The following AP3B1 variants were observed in gnomAD, a reference collection of about 807,000 sequenced individuals.
AP3B1 encodes the protein AP-3 complex subunit beta-1.
Under a neutral mutation model 132.5 loss-of-function variants are expected in AP3B1, and 61 were observed. The observed-to-expected ratio is 0.46, with a 90% confidence interval of 0.37 to 0.57. The LOEUF is 0.57. AP3B1 is among the 20% of genes least tolerant of loss of function. The pLI is 0.00. For missense variants in AP3B1, 1,120 were observed against 1,289.4 expected (o/e 0.87, Z 2.01); for synonymous variants, 388 against 438.3 (o/e 0.89, Z 1.43).
intron 21 of AP3B1, among the ~76,000 whole-genome samples, chr5:78,097,922 TG>T (rs2112226798): frequency 6.6e-6 from 1 of 152,374 alleles, no homozygotes; most frequent in East Asian, 1.9e-4. Context: ...CTTTTCATTT[TG>T]TTCTGTACTA....
At chr5:78,020,062 A>C (rs1747028060) in intron 25 of AP3B1, among the ~76,000 whole-genome samples, 1 of 152,146 alleles carries the variant, frequency 6.6e-6, no homozygotes, top group South Asian at 2.1e-4. Flanking sequence ...TTTTATTAGA[A>C]GGTATGTTTG....
chr5:78,075,543 G>T (rs1210089548), intron 22 of AP3B1, among the ~76,000 whole-genome samples: 1 of 152,076 alleles, frequency 6.6e-6, no homozygotes, highest in African/African-American at 2.4e-5. Flanking sequence ...GCCAATTTTC[G>T]ACAATAGCAA....
chr5:78,291,943 T>C (rs191219064), intron 1 of AP3B1, among the ~76,000 whole-genome samples: 75 of 152,142 alleles, frequency 4.9e-4, no homozygotes, highest in African/African-American at 1.5e-3. Context: ...TACAACTGAG[T>C]CTCCAATGGT....
intron 22 of AP3B1, among the ~76,000 whole-genome samples, chr5:78,077,086 T>A (rs972789973): frequency 6.6e-6 from 1 of 152,208 alleles, no homozygotes; most frequent in African/African-American, 2.4e-5. Context: ...AACCTTGAGT[T>A]TGGCTACCTC....
rs1297756141 is a variant in AP3B1 at position 78,002,988 on chromosome 5, T to C, written c.3199A>G (p.Thr1067Ala). ...TCAGTGTTTATGATAAGCTGGGCTG[T>C]AGAGCCTTCCTTCAGTTCCACTGTG... ...LVTVELKEGSTAQLIINTEKT... is the reference protein window; with the variant it reads ...LVTVELKEGSAAQLIINTEKT... Residue 1067 changes from threonine to alanine, a missense_variant, in exon 27 of 27, where the codon ACA (threonine) becomes GCA (alanine). Thr to Ala is a moderately conservative substitution (Grantham distance 58). Around this residue, in one of 3 missense-constraint regions of AP3B1, gnomAD observed 906 missense variants for 997.1 expected, o/e 0.91. Coordinates refer to ENST00000255194, the MANE Select transcript of AP3B1 (RefSeq NM_003664.5). 4.3e-6 allele frequency: 7 copies of C among 1,614,082 alleles called. No homozygotes were observed. Among genetic ancestry groups the C allele is most frequent in the African/African-American group, 4.0e-5 (3 of 74,938 alleles).
At chr5:78,202,860 T>C (rs754628414) in intron 7 of AP3B1, among the ~76,000 whole-genome samples, 8 of 152,198 alleles carry the variant, frequency 5.3e-5, no homozygotes, top group Non-Finnish European at 1.0e-4. Flanking sequence ...TAATTAATGA[T>C]ATACATACTG....
At chr5:78,214,774 A>G (rs1561481705) in intron 7 of AP3B1, among the ~76,000 whole-genome samples, 1 of 152,168 alleles carries the variant, frequency 6.6e-6, no homozygotes, top group East Asian at 1.9e-4. Flanking sequence ...TACTTTGCTC[A>G]ATGATAAATA....
chr5:78,287,860 T>C (rs989042760), intron 1 of AP3B1, among the ~76,000 whole-genome samples: 3 of 151,384 alleles, frequency 2.0e-5, no homozygotes, highest in Non-Finnish European at 4.4e-5. Flanking sequence ...CTAAACATAA[T>C]AAACAAGACA....
intron 22 of AP3B1, among the ~76,000 whole-genome samples, chr5:78,074,135 TAAAA>T: frequency 6.6e-6 from 1 of 152,088 alleles, no homozygotes. Flanking sequence ...TATTTTGCAA[TAAAA>T]AAATTCCAAC....
At chr5:78,049,710 C>T (rs1748498079) in intron 22 of AP3B1, among the ~76,000 whole-genome samples, 2 of 152,164 alleles carry the variant, frequency 1.3e-5, no homozygotes, top group Admixed American at 6.6e-5. Context: ...ATTCCAACAG[C>T]CTCCTAATTG....
intron 11 of AP3B1, among the ~76,000 whole-genome samples, chr5:78,166,802 G>C (rs546291160): frequency 1.2e-4 from 19 of 152,262 alleles, no homozygotes; most frequent in African/African-American, 4.3e-4. Flanking sequence ...ACATGTAGTA[G>C]AATGAAACTG....
chr5:78,170,776 C>T (rs1743877619), intron 11 of AP3B1, among the ~76,000 whole-genome samples: 2 of 152,140 alleles, frequency 1.3e-5, no homozygotes, highest in African/African-American at 2.4e-5. Flanking sequence ...GTTACCATTG[C>T]TTTTGGTGTT....
chr5:78,281,207 G>A (rs558441193), intron 1 of AP3B1, among the ~76,000 whole-genome samples: 1 of 152,144 alleles, frequency 6.6e-6, no homozygotes, highest in African/African-American at 2.4e-5. Flanking sequence ...GGCCAAGGCA[G>A]GTGGATCACC....
chr5:78,157,866 C>T (rs1421184254), intron 13 of AP3B1, among the ~76,000 whole-genome samples: 2 of 152,078 alleles, frequency 1.3e-5, no homozygotes, highest in East Asian at 3.9e-4. Context: ...TCTCCTGCCA[C>T]AGCCTCCTGA....
Position 78,129,164 on chromosome 5 carries a change from G to A in AP3B1, c.1794C>T (p.Phe598=). Residue 598 remains phenylalanine (F), a synonymous_variant, in exon 16 of 27, where the codon TTC becomes TTT. Transcript: ENST00000255194. ...GCAGTGGTGCAGGCTTTTGTGCTAG[G>A]AATATTTTTTTGGCATATTTACTTA... The part of the protein sequence containing the change: ...GALSKYAKKI[F]LAQKPAPLLE... The A allele has an allele frequency of 6.2e-7, 1 of 1,613,264 alleles. No homozygotes were observed. The highest frequency in any genetic ancestry group is 1.1e-5 in the South Asian group (1 of 91,060).
At chr5:78,119,402 A>G (rs1752044018) in intron 17 of AP3B1, among the ~76,000 whole-genome samples, 1 of 152,190 alleles carries the variant, frequency 6.6e-6, no homozygotes, top group African/African-American at 2.4e-5. Context: ...AAGCTACAGG[A>G]GGAAATACAA....
intron 7 of AP3B1, among the ~76,000 whole-genome samples, chr5:78,207,787 C>A (rs1178312641): frequency 6.6e-6 from 1 of 151,902 alleles, no homozygotes; most frequent in Non-Finnish European, 1.5e-5. Context: ...AAATTCATTG[C>A]AGAAGAAAAT....
chr5:78,054,867 C>T (rs979502088), intron 22 of AP3B1, among the ~76,000 whole-genome samples: 2 of 152,060 alleles, frequency 1.3e-5, no homozygotes, highest in African/African-American at 4.8e-5. Context: ...ACTACAGATG[C>T]TTTCTTTGAA....
intron 7 of AP3B1, among the ~76,000 whole-genome samples, chr5:78,213,425 T>C (rs1319156524): frequency 6.6e-6 from 1 of 152,184 alleles, no homozygotes; most frequent in Non-Finnish European, 1.5e-5. Context: ...TAAAATATAT[T>C]TATAACAAGA....
Sources: allele counts gnomAD v4.1 joint callset (sites outside exome capture counted in the v4.1 genomes callset), GRCh38; gene constraint gnomAD v4.1.1; regional missense constraint gnomAD v4.1.1; transcripts MANE v1.5; gene names NCBI Gene and HGNC (gene_info 2026-07-23, HGNC 2026-07-21).